Variants in BBS9 observed in about 807,000 individuals in gnomAD.
The protein encoded by BBS9 is Bardet-Biedl syndrome 9.
A neutral mutation model predicts 117.7 loss-of-function variants in BBS9; 89 were observed. That is an observed-to-expected ratio of 0.76 (90% CI 0.64 to 0.90). The LOEUF is 0.90. Among genes scored for constraint, BBS9 ranks in the 40% least tolerant of loss-of-function variants. BBS9 has a pLI of 0.00. For synonymous variants in BBS9, 379 were observed against 370.9 expected (o/e 1.02, Z -0.25); for missense variants, 982 against 1,042.2 (o/e 0.94, Z 0.80).
intron 9 of BBS9, among the ~76,000 whole-genome samples, chr7:33,313,069 G>A (rs577782416): frequency 2.6e-5 from 4 of 151,372 alleles, no homozygotes; most frequent in South Asian, 4.2e-4. Flanking sequence ...GTGTGTGCGC[G>A]CACAGGCACG....
intron 3 of BBS9, among the ~76,000 whole-genome samples, chr7:33,154,101 T>G (rs1455719287): frequency 6.6e-6 from 1 of 152,218 alleles, no homozygotes; most frequent in African/African-American, 2.4e-5. Context: ...TATGACATCA[T>G]GCTCTTTTCC....
intron 5 of BBS9, among the ~76,000 whole-genome samples, chr7:33,199,591 T>A (rs901060153): frequency 1.3e-5 from 2 of 151,842 alleles, no homozygotes; most frequent in African/African-American, 4.8e-5. Context: ...GCAATCTATT[T>A]TTTTTTTAAT....
chr7:33,506,275 G>A (rs1040644071), intron 20 of BBS9, among the ~76,000 whole-genome samples: 2 of 152,134 alleles, frequency 1.3e-5, no homozygotes, highest in African/African-American at 4.8e-5. Context: ...ACCACGGGCC[G>A]TTCTGGGGGA....
At position 33,367,832 on chromosome 7, in the gene BBS9, C is replaced by T. The variant is rs746797123; in HGVS notation, c.1759C>T (p.Arg587Ter). ...VMGFHFLGGA[R>*]ITVLASKTSQ... The stretch of plus-strand genomic sequence containing the variant: ...GGGTTTTCACTTCTTAGGAGGTGCT[C>T]GAATTACTGTTCTTGCTTCCAAAAC... The change falls in exon 17 of 23, where the codon CGA becomes TGA. Residue 587 changes from arginine to a stop codon, truncating the protein, a stop_gained. Coordinates refer to ENST00000242067, the MANE Select transcript of BBS9 (RefSeq NM_198428.3). LOFTEE classifies it high-confidence loss of function. 4.3e-6 allele frequency: 7 copies of T among 1,613,746 alleles called. No individual in the cohort carries two copies. Among genetic ancestry groups the T allele is most frequent in the Non-Finnish European group, 5.9e-6 (7 of 1,179,796 alleles).
chr7:33,620,502 C>T (rs1023329780), intron 21 of BBS9, among the ~76,000 whole-genome samples: 2 of 150,234 alleles, frequency 1.3e-5, no homozygotes, highest in Non-Finnish European at 3.0e-5. Context: ...ATCCCATTTG[C>T]AATAATAAAA....
intron 2 of BBS9, among the ~76,000 whole-genome samples, chr7:33,152,358 C>G (rs952631516): frequency 1.3e-5 from 2 of 151,986 alleles, no homozygotes; most frequent in African/African-American, 4.8e-5. Flanking sequence ...GAGTTGGCCT[C>G]TATGATGGAA....
rs567162192 is a variant in BBS9 at position 33,315,032 on chromosome 7, G to A, written c.1017-21409G>A. ...GATTTATTTAGGTCATGATTCTATG[G>A]GTTAATTTTGGGCTGGACTTAGTTG... On this transcript the variant is annotated intron_variant, in intron 9 of 22. Coordinates refer to ENST00000242067, the MANE Select transcript of BBS9 (RefSeq NM_198428.3). Among the ~76,000 whole-genome samples, 31 of 152,252 alleles carry A rather than the reference G, an allele frequency of 2.0e-4. No individual in the cohort carries two copies. In the South Asian group the frequency reaches 2.9e-3, roughly 14 times the overall value.
intron 21 of BBS9, among the ~76,000 whole-genome samples, chr7:33,566,070 C>G (rs550707450): frequency 8.4e-4 from 127 of 151,060 alleles, no homozygotes; most frequent in Admixed American, 4.8e-3. Context: ...AAGTTTCCTT[C>G]CATTAGACAG....
chr7:33,224,395 T>C (rs1274553958), intron 5 of BBS9, among the ~76,000 whole-genome samples: 1 of 152,208 alleles, frequency 6.6e-6, no homozygotes, highest in Non-Finnish European at 1.5e-5. Context: ...GTTGTGTTTA[T>C]ATGACAGTAA....
At chr7:33,588,655 G>A (rs779981790) in intron 21 of BBS9, among the ~76,000 whole-genome samples, 23 of 152,266 alleles carry the variant, frequency 1.5e-4, no homozygotes, top group Middle Eastern at 6.8e-3. Flanking sequence ...TACAGAAAAA[G>A]AAAATGTGTG....
chr7:33,239,970 C>T (rs1158472659), intron 5 of BBS9, among the ~76,000 whole-genome samples: 1 of 152,118 alleles, frequency 6.6e-6, no homozygotes, highest in African/African-American at 2.4e-5. Context: ...CCACCGTACT[C>T]CAGTCTGGGT....
intron 20 of BBS9, among the ~76,000 whole-genome samples, chr7:33,526,094 T>G (rs1443323949): frequency 1.3e-5 from 2 of 151,562 alleles, no homozygotes; most frequent in Non-Finnish European, 2.9e-5. Flanking sequence ...TCTTCTGGCT[T>G]GTAGGGTTTC....
intron 19 of BBS9, chr7:33,390,479 A>G: frequency 1.0e-6 from 1 of 978,434 alleles, no homozygotes; most frequent in Non-Finnish European, 1.2e-6. Flanking sequence ...AGATTAATGA[A>G]AAGAATGAAT....
intron 20 of BBS9, among the ~76,000 whole-genome samples, chr7:33,515,279 A>C (rs1485379562): frequency 6.6e-6 from 1 of 152,234 alleles, no homozygotes; most frequent in African/African-American, 2.4e-5. Context: ...AGCAACATAA[A>C]CTGAGTAAGG....
rs60878395 is a variant in BBS9 at position 33,410,674 on chromosome 7, C to G, written c.2115+22530C>G. 0.02 allele frequency among the ~76,000 whole-genome samples: 3,035 copies of G among 152,194 alleles called. 210 individuals are homozygous for G. In the East Asian group the frequency reaches 0.26, roughly 13 times the overall value. On this transcript the variant is annotated intron_variant, in intron 19 of 22. Transcript: ENST00000242067. ...ACGTTATTTCTCTTTAAGATCAACC[C>G]TTCCCTTGATCCCTTTGACCTTCTG...
At chr7:33,204,233 C>T (rs572125217) in intron 5 of BBS9, among the ~76,000 whole-genome samples, 25 of 133,954 alleles carry the variant, frequency 1.9e-4, no homozygotes, top group Admixed American at 1.0e-3. Context: ...GTTGAAACCC[C>T]GTCTCTACAA....
intron 17 of BBS9, among the ~76,000 whole-genome samples, chr7:33,383,090 T>C (rs1362571692): frequency 6.6e-6 from 1 of 152,174 alleles, no homozygotes; most frequent in African/African-American, 2.4e-5. Flanking sequence ...AAATTGGTCA[T>C]CTTGGAGTAG....
chr7:33,469,571 T>C (rs1206166167), intron 19 of BBS9, among the ~76,000 whole-genome samples: 1 of 152,114 alleles, frequency 6.6e-6, no homozygotes, highest in Admixed American at 6.6e-5. Context: ...AGATGCAGAA[T>C]GAAATGGTTG....
At chr7:33,267,949 C>T (rs1488726463) in intron 7 of BBS9, among the ~76,000 whole-genome samples, 1 of 152,070 alleles carries the variant, frequency 6.6e-6, no homozygotes, top group East Asian at 1.9e-4. Flanking sequence ...GAGGTTATCC[C>T]TGGGACACAG....
Sources: allele counts gnomAD v4.1 joint callset (sites outside exome capture counted in the v4.1 genomes callset), GRCh38; gene constraint gnomAD v4.1.1; transcripts MANE v1.5; gene names NCBI Gene and HGNC (gene_info 2026-07-23, HGNC 2026-07-21).